The following PRH1 variants were observed in gnomAD, a reference collection of about 807,000 sequenced individuals.
PRH1 encodes the protein proline rich protein HaeIII subfamily 1, also known as salivary acidic proline-rich phosphoprotein 1/2.
PRH1 carries 7 observed loss-of-function variants against 7.9 expected under a neutral mutation model. That is an observed-to-expected ratio of 0.89 (90% confidence interval 0.50 to 1.67). The LOEUF (loss-of-function observed/expected upper bound fraction) is 1.67. Ranked by LOEUF, PRH1 falls within the 40% of genes most tolerant of loss-of-function variation. PRH1 has a pLI of 0.00. For missense variants in PRH1, 109 were observed against 223.6 expected (o/e 0.49, Z 3.27); for synonymous variants, 45 against 80.8 (o/e 0.56, Z 2.38).
At chr12:10,953,312 A>T (rs1937781612) in intron 2 of PRH1, among the ~76,000 whole-genome samples, 1 of 152,198 alleles carries the variant, frequency 6.6e-6, no homozygotes, top group Non-Finnish European at 1.5e-5. Context: ...AGGAACAAAG[A>T]TCAATGAAAT....
intron 1 of PRH1, among the ~76,000 whole-genome samples, chr12:11,057,920 A>AT (rs1246803563): frequency 1.3e-5 from 2 of 152,232 alleles, no homozygotes; most frequent in Non-Finnish European, 2.9e-5. Context: ...TTTAATTTAC[A>AT]TTTTTTTAAA....
intron 1 of PRH1, chr12:10,986,253 C>T (rs1376251): frequency 0.34 from 549,518 of 1,613,636 alleles, 104,649 homozygotes; most frequent in East Asian, 0.75. Context: ...GAGATGTTTA[C>T]ACAGAGAACA....
At chr12:10,968,392 C>T (rs7138360) in intron 2 of PRH1, among the ~76,000 whole-genome samples, 37,012 of 152,014 alleles carry the variant, frequency 0.24, 4,554 homozygotes, top group Non-Finnish European at 0.25. Flanking sequence ...TATGAATGTA[C>T]ATATTTCAAA....
At chr12:11,063,537 C>T (rs187580936) in intron 1 of PRH1, among the ~76,000 whole-genome samples, 2 of 151,942 alleles carry the variant, frequency 1.3e-5, no homozygotes, top group African/African-American at 4.8e-5. Context: ...GAGCCATCCA[C>T]CAAACCCAGC....
At chr12:10,964,816 TAC>T (rs1326283067) in intron 2 of PRH1, 1 of 562,680 alleles carries the variant, frequency 1.8e-6, no homozygotes, top group Non-Finnish European at 3.3e-6. Context: ...CAAGCGTGGT[TAC>T]AGTCATATCT....
At chr12:11,159,293 G>A (rs1364579104) in intron 1 of PRH1, 1 of 150,904 alleles carries the variant, frequency 6.6e-6, no homozygotes, top group Non-Finnish European at 1.5e-5. Context: ...AAGACCGCAG[G>A]AAAAGCACAA....
At chr12:10,974,598 C>T (rs541063662) in intron 1 of PRH1, among the ~76,000 whole-genome samples, 6 of 152,178 alleles carry the variant, frequency 3.9e-5, no homozygotes, top group African/African-American at 1.2e-4. Flanking sequence ...AAATCAAACC[C>T]CCAAGGGTAT....
intron 1 of PRH1, among the ~76,000 whole-genome samples, chr12:11,037,610 T>A (rs1490284943): frequency 2.0e-5 from 3 of 152,254 alleles, no homozygotes; most frequent in Non-Finnish European, 4.4e-5. Context: ...CAAATGTGTA[T>A]CATAAATAAT....
chr12:10,959,883 C>T (rs1403134919), intron 2 of PRH1, among the ~76,000 whole-genome samples: 1 of 152,116 alleles, frequency 6.6e-6, no homozygotes, highest in Non-Finnish European at 1.5e-5. Flanking sequence ...GGCAGTGTGA[C>T]ATTTTCAGTT....
intron 1 of PRH1, among the ~76,000 whole-genome samples, chr12:11,109,547 A>G (rs1481981476): frequency 1.3e-5 from 2 of 152,198 alleles, no homozygotes; most frequent in Non-Finnish European, 2.9e-5. Flanking sequence ...GTGGACCTCC[A>G]GCAAACTACA....
intron 1 of PRH1, among the ~76,000 whole-genome samples, chr12:11,053,934 C>G (rs1458909587): frequency 6.6e-6 from 1 of 152,182 alleles, no homozygotes; most frequent in Non-Finnish European, 1.5e-5. Flanking sequence ...GATTCTCCTG[C>G]CTCAGCCTCC....
At chr12:10,965,659 T>C (rs1938467085) in intron 2 of PRH1, among the ~76,000 whole-genome samples, 2 of 152,250 alleles carry the variant, frequency 1.3e-5, no homozygotes, top group African/African-American at 2.4e-5. Context: ...AATTTTCATT[T>C]GCCAGCATGC....
At chr12:10,984,029 A>G (rs1369770472) in intron 1 of PRH1, among the ~76,000 whole-genome samples, 4 of 152,088 alleles carry the variant, frequency 2.6e-5, no homozygotes, top group Non-Finnish European at 5.9e-5. Flanking sequence ...TCATTTAGAA[A>G]GGGTTTTAAA....
intron 2 of PRH1, among the ~76,000 whole-genome samples, chr12:10,956,198 C>T (rs1377639121): frequency 6.6e-6 from 1 of 152,048 alleles, no homozygotes; most frequent in Admixed American, 6.6e-5. Flanking sequence ...AAGTTGAATC[C>T]AGCAGCACAT....
downstream of PRH1, among the ~76,000 whole-genome samples, chr12:11,117,222 G>A (rs1310725273): frequency 2.0e-5 from 3 of 152,038 alleles, no homozygotes; most frequent in Non-Finnish European, 4.4e-5. Context: ...TAAATTTGCA[G>A]AATACACAAT....
chr12:10,973,050 C>G (rs1177493300), intron 2 of PRH1, among the ~76,000 whole-genome samples: 4 of 150,246 alleles, frequency 2.7e-5, no homozygotes, highest in African/African-American at 4.9e-5. Flanking sequence ...CTTATTTTCC[C>G]ACTCATGCTT....
chr12:11,165,729 G>T (rs1186490512), intron 1 of PRH1, among the ~76,000 whole-genome samples: 1 of 152,158 alleles, frequency 6.6e-6, no homozygotes, highest in Non-Finnish European at 1.5e-5. Context: ...GTGTGAAATT[G>T]TATCAATCCA....
chr12:11,040,357 A>G (rs1942656745), intron 1 of PRH1, among the ~76,000 whole-genome samples: 1 of 152,234 alleles, frequency 6.6e-6, no homozygotes, highest in Non-Finnish European at 1.5e-5. Context: ...ACTTCATCTT[A>G]TAACTACTCT....
At chr12:10,979,592 G>A (rs776018488) in intron 1 of PRH1, among the ~76,000 whole-genome samples, 11 of 152,160 alleles carry the variant, frequency 7.2e-5, no homozygotes, top group Non-Finnish European at 1.2e-4. Flanking sequence ...TGAAAAATCT[G>A]GAGCAGAAGA....
Sources: gnomAD v4.1 joint callset for allele counts (sites outside exome capture counted in the v4.1 genomes callset) on GRCh38, gnomAD v4.1.1 for gene constraint, MANE v1.5 for transcripts, NCBI Gene and HGNC (gene_info 2026-07-23, HGNC 2026-07-21) for gene names.